ARHGEF26: variants seen among roughly 807,000 people sequenced by gnomAD.
ARHGEF26 encodes Rho guanine nucleotide exchange factor 26, also known as Rho guanine nucleotide exchange factor (GEF) 26.
A neutral mutation model predicts 89.4 loss-of-function variants in ARHGEF26; 59 were observed. The ratio of observed to expected loss-of-function variants is 0.66; its 90% CI spans 0.54 to 0.82. ARHGEF26 has a LOEUF of 0.82. Among genes scored for constraint, ARHGEF26 ranks in the 40% least tolerant of loss-of-function variants. The pLI is 0.00. For synonymous variants in ARHGEF26, 500 were observed against 428.4 expected (o/e 1.17, Z -2.06); for missense variants, 1,234 against 1,085.6 (o/e 1.14, Z -1.92).
intron 6 of ARHGEF26, among the ~76,000 whole-genome samples, chr3:154,153,485 G>T (rs1720147835): frequency 6.6e-6 from 1 of 151,572 alleles, no homozygotes; most frequent in Non-Finnish European, 1.5e-5. Context: ...ATATACATTG[G>T]ATGTTTTACT....
chr3:154,235,068 T>C (rs954789756), intron 11 of ARHGEF26, among the ~76,000 whole-genome samples: 1 of 152,184 alleles, frequency 6.6e-6, no homozygotes, highest in Non-Finnish European at 1.5e-5. Flanking sequence ...TCTTTTTTTT[T>C]TCCACAATCT....
At chr3:154,168,324 C>T (rs1024780815) in intron 6 of ARHGEF26, among the ~76,000 whole-genome samples, 4 of 152,100 alleles carry the variant, frequency 2.6e-5, no homozygotes, top group Non-Finnish European at 1.5e-5. Context: ...CGTCTATAAT[C>T]CCAGCACTTT....
chr3:154,169,170 A>G (rs1460187180), intron 6 of ARHGEF26, among the ~76,000 whole-genome samples: 2 of 152,040 alleles, frequency 1.3e-5, no homozygotes, highest in African/African-American at 4.8e-5. Flanking sequence ...GGGGGCCTGC[A>G]CTCAGATTAG....
intron 11 of ARHGEF26, among the ~76,000 whole-genome samples, chr3:154,235,753 TA>T (rs1221927779): frequency 6.6e-6 from 1 of 151,988 alleles, no homozygotes; most frequent in African/African-American, 2.4e-5. Flanking sequence ...CCCTCCTTTT[TA>T]AACAAAAAAA....
intron 8 of ARHGEF26, 80 bp downstream of exon 8, chr3:154,191,498 C>G: frequency 6.7e-7 from 1 of 1,489,282 alleles, no homozygotes; most frequent in Non-Finnish European, 9.0e-7. Flanking sequence ...TATTATTCCA[C>G]TTAAATTGAT....
intron 4 of ARHGEF26, among the ~76,000 whole-genome samples, chr3:154,136,191 G>A (rs1276607731): frequency 8.2e-6 from 1 of 122,156 alleles, no homozygotes; most frequent in Non-Finnish European, 1.8e-5. Context: ...GAACTCTGTA[G>A]TCAGAAATGG....
intron 4 of ARHGEF26, among the ~76,000 whole-genome samples, chr3:154,135,937 T>C (rs1718975935): frequency 6.6e-6 from 1 of 152,176 alleles, no homozygotes; most frequent in Non-Finnish European, 1.5e-5. Context: ...TTTGTTATGT[T>C]AAGTTCGGTG....
At chr3:154,199,093 T>C (rs1239832769) in intron 9 of ARHGEF26, among the ~76,000 whole-genome samples, 1 of 152,014 alleles carries the variant, frequency 6.6e-6, no homozygotes, top group Admixed American at 6.6e-5. Flanking sequence ...TTTTAAAATG[T>C]AGGGGGTTAT....
Position 154,168,186 on chromosome 3 carries a change from G to A in ARHGEF26, c.1487+15254G>A, listed in dbSNP as rs1378397040. The stretch of plus-strand genomic sequence containing the variant: ...GTATCCCAGATCTCACAGCTAATTA[G>A]AATTAGAGCTAAGGCTAGAACTCAG... On this transcript the variant is annotated intron_variant, in intron 6 of 14. Transcript: ENST00000465093. Among the ~76,000 whole-genome samples, 4 of 152,120 alleles carry A rather than the reference G, an allele frequency of 2.6e-5. No individual in the cohort carries two copies. In the South Asian group the frequency reaches 8.3e-4, roughly 32 times the overall value.
chr3:154,157,281 A>G (rs1221058784), intron 6 of ARHGEF26, among the ~76,000 whole-genome samples: 4 of 152,112 alleles, frequency 2.6e-5, no homozygotes, highest in Non-Finnish European at 5.9e-5. Context: ...CTTGGGACCC[A>G]TGGTAGTTGG....
chr3:154,240,523 A>G lies in ARHGEF26; in HGVS notation c.2244A>G (p.Thr748=). 6.2e-7 allele frequency: 1 copy of G among 1,613,302 alleles called. No individual in the cohort carries two copies. Among genetic ancestry groups the G allele is most frequent in the Non-Finnish European group, 8.5e-7 (1 of 1,179,556 alleles). The change falls in exon 12 of 15, where the codon ACA becomes ACG. Residue 748 remains threonine, a synonymous_variant. Coordinates refer to ENST00000465093, the MANE Select transcript of ARHGEF26 (RefSeq NM_015595.4). ...CTGCCAGTCACCTCTTTACTCTGAC[A>G]GTCCTTAGTAACCACGCGAATGAGA... The part of the protein sequence containing the change: ...QSSASHLFTL[T]VLSNHANEKV...
At chr3:154,152,960 C>T (rs762553638) in intron 6 of ARHGEF26, 28 bp downstream of exon 6, 4 of 1,495,676 alleles carry the variant, frequency 2.7e-6, no homozygotes, top group Non-Finnish European at 3.6e-6. Flanking sequence ...TGCCTTTGGT[C>T]GTGCCAAGAA....
chr3:154,253,238 G>C (rs1718274239), intron 13 of ARHGEF26, 55 bp downstream of exon 13: 5 of 1,595,646 alleles, frequency 3.1e-6, no homozygotes, highest in Non-Finnish European at 4.3e-6. Context: ...TCTGCCCCCT[G>C]CTGGACGCCG....
intron 6 of ARHGEF26, among the ~76,000 whole-genome samples, chr3:154,184,332 G>A (rs1307418345): frequency 6.6e-6 from 1 of 152,102 alleles, no homozygotes; most frequent in African/African-American, 2.4e-5. Context: ...GGAGTTAAAT[G>A]ACAAATATTT....
Position 154,166,500 on chromosome 3 carries a change from T to C in ARHGEF26, c.1487+13568T>C, listed in dbSNP as rs114847100. Among the ~76,000 whole-genome samples the C allele has an allele frequency of 2.5e-3, 386 of 152,338 alleles. 9 individuals are homozygous for C. The highest frequency in any genetic ancestry group is 1.2e-3 in the Non-Finnish European group (82 of 68,026). On this transcript the variant is annotated intron_variant, in intron 6 of 14. Transcript: ENST00000465093. ...GGAGCAGAAAGCTTTATAAAGAAGC[T>C]GCCTTTTCCTTTCCTCTGGAATTGT...
intron 4 of ARHGEF26, 59 bp downstream of exon 4, chr3:154,129,778 G>T (rs1305659769): frequency 2.0e-6 from 3 of 1,537,818 alleles, no homozygotes; most frequent in Non-Finnish European, 2.6e-6. Context: ...TGGAAATTAT[G>T]TGTGGATTTG....
intron 9 of ARHGEF26, among the ~76,000 whole-genome samples, chr3:154,210,740 G>A (rs963469856): frequency 2.8e-4 from 42 of 149,352 alleles, no homozygotes; most frequent in African/African-American, 9.6e-4. Flanking sequence ...TCAGGAGTTT[G>A]AGACCAGCCT....
In ARHGEF26 at chr3:154,124,371, CCTTTTTTTTTTTTTTTTTTA is replaced by C. The variant is rs1718189642; in HGVS notation, c.1084-29_1084-10del. 8 of 977,570 alleles carry C rather than the reference CCTTTTTTTTTTTTTTTTTTA, an allele frequency of 8.2e-6. No homozygotes were observed. Among genetic ancestry groups the C allele is most frequent in the South Asian group, 1.8e-5 (1 of 55,206 alleles). 60.6% of individuals were successfully genotyped at this position (977,570 alleles called of 1,614,324 possible). Reference sequence around the variant, plus strand: ...GCTCATTCATACATAGTTTGCTTTTCCTTTTTTTTTTTTTTTTTTACTTTTTTTTGTCTCTTAGAAAAAAA... The same window carrying C: ...GCTCATTCATACATAGTTTGCTTTTCCTTTTTTTTGTCTCTTAGAAAAAAA... On this transcript the variant is annotated intron_variant, in intron 2 of 14. Transcript: ENST00000465093.
At chr3:154,163,369 C>T (rs371572365) in intron 6 of ARHGEF26, among the ~76,000 whole-genome samples, 5 of 152,220 alleles carry the variant, frequency 3.3e-5, no homozygotes, top group African/African-American at 9.6e-5. Flanking sequence ...AAATTAGTTA[C>T]GTGGATTTGT....
Sources: allele counts gnomAD v4.1 joint callset (sites outside exome capture counted in the v4.1 genomes callset), GRCh38; gene constraint gnomAD v4.1.1; transcripts MANE v1.5; gene names NCBI Gene and HGNC (gene_info 2026-07-23, HGNC 2026-07-21).